SYNPR: variants seen among roughly 807,000 people sequenced by gnomAD.
SYNPR encodes the protein synaptoporin.
A neutral mutation model predicts 32.9 loss-of-function variants in SYNPR; 23 were observed. The observed-to-expected ratio is 0.70, with a 90% CI of 0.50 to 0.99. SYNPR has a LOEUF of 0.99. SYNPR is among the 50% of genes least tolerant of loss of function. SYNPR has a pLI of 0.00. For missense variants in SYNPR, 318 were observed against 349.3 expected (o/e 0.91, Z 0.71); for synonymous variants, 146 against 135.9 (o/e 1.07, Z -0.52).
Position 63,374,706 on chromosome 3 carries a change from G to C in SYNPR, c.84+95964G>C, listed in dbSNP as rs138798081. 2.1e-3 allele frequency among the ~76,000 whole-genome samples: 315 copies of C among 152,286 alleles called. 1 individual carries two copies. The highest frequency in any genetic ancestry group is 7.3e-3 in the African/African-American group (303 of 41,562). On this transcript the variant is annotated intron_variant, in intron 2 of 5. Coordinates refer to ENST00000478300, the MANE Select transcript of SYNPR (RefSeq NM_001130003.2). ...ACATACATATGATATTTTGGATATAGTTTTTGAAAATGAAAGAGCCTAACA... is the reference window on the plus strand; with the variant it reads ...ACATACATATGATATTTTGGATATACTTTTTGAAAATGAAAGAGCCTAACA...
intron 2 of SYNPR, among the ~76,000 whole-genome samples, chr3:63,389,817 T>C (rs951797228): frequency 2.0e-5 from 3 of 152,392 alleles, no homozygotes; most frequent in Admixed American, 1.3e-4. Flanking sequence ...TCTCTTTCTT[T>C]CACTGTTCTC....
intron 2 of SYNPR, among the ~76,000 whole-genome samples, chr3:63,300,854 C>T (rs1344657481): frequency 6.6e-6 from 1 of 151,988 alleles, no homozygotes; most frequent in Non-Finnish European, 1.5e-5. Flanking sequence ...AAGCACTCCC[C>T]CAATAAATTA....
intron 2 of SYNPR, among the ~76,000 whole-genome samples, chr3:63,291,932 G>A (rs2086743388): frequency 6.6e-6 from 1 of 152,038 alleles, no homozygotes; most frequent in Non-Finnish European, 1.5e-5. Context: ...TCATCATCGT[G>A]CATACACCAT....
intron 2 of SYNPR, among the ~76,000 whole-genome samples, chr3:63,358,503 C>G (rs1647944519): frequency 1.3e-5 from 2 of 152,134 alleles, no homozygotes; most frequent in African/African-American, 2.4e-5. Flanking sequence ...ATCTCAAGAT[C>G]CTTTACTTAA....
intron 2 of SYNPR, among the ~76,000 whole-genome samples, chr3:63,429,965 G>GT (rs1373369026): frequency 6.6e-6 from 1 of 152,210 alleles, no homozygotes; most frequent in Non-Finnish European, 1.5e-5. Flanking sequence ...TAGGCTCTAG[G>GT]TAAGGACCAG....
At chr3:63,423,093 A>G (rs886554590) in intron 2 of SYNPR, among the ~76,000 whole-genome samples, 1 of 152,238 alleles carries the variant, frequency 6.6e-6, no homozygotes, top group African/African-American at 2.4e-5. Flanking sequence ...GCTGCATGCT[A>G]TTTATTGAAA....
chr3:63,327,710 T>C (rs1398693962), intron 2 of SYNPR, among the ~76,000 whole-genome samples: 1 of 152,136 alleles, frequency 6.6e-6, no homozygotes, highest in African/African-American at 2.4e-5. Context: ...ATAATTCAAT[T>C]TGTGTTCAAA....
At chr3:63,367,914 G>C (rs2087747778) in intron 2 of SYNPR, among the ~76,000 whole-genome samples, 1 of 152,182 alleles carries the variant, frequency 6.6e-6, no homozygotes, top group African/African-American at 2.4e-5. Flanking sequence ...AGTAGTTAAA[G>C]GTTAGTATTG....
intron 2 of SYNPR, among the ~76,000 whole-genome samples, chr3:63,255,840 T>C (rs1283366440): frequency 6.6e-6 from 1 of 152,164 alleles, no homozygotes; most frequent in Non-Finnish European, 1.5e-5. Flanking sequence ...GGGTGACAGA[T>C]GGCACCTGGA....
chr3:63,603,493 C>T (rs555114217), intron 4 of SYNPR, among the ~76,000 whole-genome samples: 17 of 152,194 alleles, frequency 1.1e-4, no homozygotes, highest in Admixed American at 1.0e-3. Context: ...TCATAGATAG[C>T]TCTTATTACT....
At chr3:63,559,163 G>T (rs1702642793) in intron 4 of SYNPR, among the ~76,000 whole-genome samples, 1 of 150,682 alleles carries the variant, frequency 6.6e-6, no homozygotes, top group African/African-American at 2.4e-5. Flanking sequence ...CACCTCCTGG[G>T]TTCAAATGAT....
At chr3:63,410,334 C>T (rs971631663) in intron 2 of SYNPR, among the ~76,000 whole-genome samples, 2 of 152,120 alleles carry the variant, frequency 1.3e-5, no homozygotes, top group Non-Finnish European at 2.9e-5. Context: ...AGAGCTTATG[C>T]ACTGAAATAC....
At chr3:63,344,904 C>T (rs1322816014) in intron 2 of SYNPR, among the ~76,000 whole-genome samples, 1 of 152,058 alleles carries the variant, frequency 6.6e-6, no homozygotes, top group Admixed American at 6.6e-5. Flanking sequence ...TGAGCTGACT[C>T]CCTGCCTGGG....
rs73118744 is a variant in SYNPR, at chr3:63,546,948, G to C, written c.210-9595G>C. Among the ~76,000 whole-genome samples, 976 of 152,176 alleles carry C rather than the reference G, an allele frequency of 6.4e-3. 32 individuals carry two copies. Among genetic ancestry groups the C allele is most frequent in the Admixed American group, 0.057 (876 of 15,270 alleles). On this transcript the variant is annotated intron_variant, in intron 3 of 5. Coordinates refer to ENST00000478300, the MANE Select transcript of SYNPR (RefSeq NM_001130003.2). ...TTAGGAAAGAAATGTCTAGGAAAAT[G>C]ATTCTGGCTGCCTGGAAAATGCCAT...
At chr3:63,487,916 A>C (rs772798180) in intron 3 of SYNPR, among the ~76,000 whole-genome samples, 1 of 152,180 alleles carries the variant, frequency 6.6e-6, no homozygotes, top group African/African-American at 2.4e-5. Context: ...AGTGCTGCTC[A>C]GCTGGGCACT....
intron 3 of SYNPR, among the ~76,000 whole-genome samples, chr3:63,515,018 C>A (rs923795925): frequency 6.6e-6 from 1 of 152,060 alleles, no homozygotes; most frequent in Admixed American, 6.6e-5. Context: ...GTCCCAGGGT[C>A]ATGGGAATTA....
At chr3:63,288,867 A>T (rs2086711455) in intron 2 of SYNPR, among the ~76,000 whole-genome samples, 1 of 152,164 alleles carries the variant, frequency 6.6e-6, no homozygotes. Flanking sequence ...GAATTTGTTG[A>T]TGAGCAAATA....
intron 3 of SYNPR, among the ~76,000 whole-genome samples, chr3:63,508,093 A>G (rs1431863861): frequency 6.6e-6 from 1 of 152,168 alleles, no homozygotes; most frequent in Non-Finnish European, 1.5e-5. Flanking sequence ...TTCAATTCAG[A>G]CTTTTCAAAT....
chr3:63,613,084 T>A (rs116256145), intron 5 of SYNPR, among the ~76,000 whole-genome samples: 1 of 151,862 alleles, frequency 6.6e-6, no homozygotes, highest in African/African-American at 2.4e-5. Context: ...GGGATACTGC[T>A]GCCTCAGCCT....
Sources: allele counts gnomAD v4.1 joint callset (sites outside exome capture counted in the v4.1 genomes callset), GRCh38; gene constraint gnomAD v4.1.1; transcripts MANE v1.5; gene names NCBI Gene and HGNC (gene_info 2026-07-23, HGNC 2026-07-21).